The following MAGI2 variants were observed in gnomAD, a reference collection of about 807,000 sequenced individuals.
MAGI2 encodes membrane associated guanylate kinase, WW and PDZ domain containing 2, also known as membrane-associated guanylate kinase, WW and PDZ domain-containing protein 2.
Under a neutral mutation model 133.3 loss-of-function variants are expected in MAGI2, and 35 were observed. The ratio of observed to expected loss-of-function variants is 0.26; its 90% CI spans 0.20 to 0.35. MAGI2 has a LOEUF of 0.35. Among genes scored for constraint, MAGI2 ranks in the 10% least tolerant of loss-of-function variants. The pLI, the probability that MAGI2 is intolerant of heterozygous loss-of-function variation, is 1.00. For synonymous variants in MAGI2, 729 were observed against 710.6 expected (o/e 1.03, Z -0.41); for missense variants, 1,636 against 1,863.4 (o/e 0.88, Z 2.25).
intron 9 of MAGI2, among the ~76,000 whole-genome samples, chr7:78,335,484 T>C (rs2691544): frequency 0.45 from 69,149 of 152,116 alleles, 16,098 homozygotes; most frequent in Non-Finnish European, 0.48. Flanking sequence ...CAAGTATCTT[T>C]ATAGGATTTC....
At chr7:79,235,536 G>A (rs1444331502) in intron 1 of MAGI2, among the ~76,000 whole-genome samples, 1 of 152,212 alleles carries the variant, frequency 6.6e-6, no homozygotes, top group African/African-American at 2.4e-5. Context: ...CGCAATATTT[G>A]GGTGGGAGTG....
chr7:79,028,251 ATATATATATATATATATG>A (rs1398347406), intron 1 of MAGI2, among the ~76,000 whole-genome samples: 4 of 24,462 alleles, frequency 1.6e-4, no homozygotes, highest in East Asian at 1.4e-3. Context: ...ATATATATAT[ATATATATATATATATATG>A]TATGTATGTA....
chr7:78,055,314 A>G, intron 21 of MAGI2, among the ~76,000 whole-genome samples: 1 of 152,220 alleles, frequency 6.6e-6, no homozygotes, highest in East Asian at 1.9e-4. Context: ...CAATGTTTAC[A>G]TTTACATTAC....
chr7:79,307,397 G>A (rs571427548), intron 1 of MAGI2, among the ~76,000 whole-genome samples: 1 of 152,192 alleles, frequency 6.6e-6, no homozygotes, highest in East Asian at 1.9e-4. Context: ...TAGGAGTCTA[G>A]GTAAAGAATT....
intron 2 of MAGI2, among the ~76,000 whole-genome samples, chr7:78,769,991 G>A (rs1297656367): frequency 3.3e-5 from 5 of 152,100 alleles, no homozygotes; most frequent in Non-Finnish European, 7.3e-5. Flanking sequence ...CCTTCTCCAC[G>A]TTCTTGACTA....
At chr7:78,566,770 G>C (rs1800988317) in intron 3 of MAGI2, among the ~76,000 whole-genome samples, 1 of 152,040 alleles carries the variant, frequency 6.6e-6, no homozygotes, top group Non-Finnish European at 1.5e-5. Flanking sequence ...TACCATAGCT[G>C]ATTTTAAAAT....
chr7:78,720,853 G>A (rs1174865949), intron 2 of MAGI2, among the ~76,000 whole-genome samples: 1 of 152,034 alleles, frequency 6.6e-6, no homozygotes, highest in Non-Finnish European at 1.5e-5. Flanking sequence ...TCTAACCTGT[G>A]GTTCCACAAA....
At chr7:78,257,893 C>T (rs543496256) in intron 9 of MAGI2, among the ~76,000 whole-genome samples, 2 of 152,152 alleles carry the variant, frequency 1.3e-5, no homozygotes, top group South Asian at 4.1e-4. Flanking sequence ...GGATTTCATT[C>T]TGAGACATCC....
intron 9 of MAGI2, among the ~76,000 whole-genome samples, chr7:78,263,953 C>T (rs921992005): frequency 6.6e-6 from 1 of 152,082 alleles, no homozygotes; most frequent in African/African-American, 2.4e-5. Context: ...TCCTTCTCTC[C>T]TTGCTTTGTC....
chr7:78,377,471 CAGTG>C (rs1316636784), intron 6 of MAGI2, among the ~76,000 whole-genome samples: 1 of 151,610 alleles, frequency 6.6e-6, no homozygotes, highest in Non-Finnish European at 1.5e-5. Flanking sequence ...AGGGGGTTGA[CAGTG>C]AGCAGAATAA....
intron 1 of MAGI2, among the ~76,000 whole-genome samples, chr7:79,408,684 G>A (rs988568110): frequency 6.6e-6 from 1 of 152,060 alleles, no homozygotes; most frequent in African/African-American, 2.4e-5. Context: ...CCAGGAACAA[G>A]TTAAATGGAA....
At chr7:79,354,720 T>G (rs1841908087) in intron 1 of MAGI2, among the ~76,000 whole-genome samples, 1 of 152,162 alleles carries the variant, frequency 6.6e-6, no homozygotes, top group Non-Finnish European at 1.5e-5. Flanking sequence ...AAAAAGCCTT[T>G]TAAATGCTCA....
chr7:78,804,476 C>T (rs1265865709), intron 2 of MAGI2, among the ~76,000 whole-genome samples: 2 of 151,478 alleles, frequency 1.3e-5, no homozygotes, highest in African/African-American at 4.9e-5. Flanking sequence ...GGGCCAGGCA[C>T]GGTGGCTCAC....
At chr7:78,324,527 T>C (rs1788379854) in intron 9 of MAGI2, among the ~76,000 whole-genome samples, 1 of 152,194 alleles carries the variant, frequency 6.6e-6, no homozygotes, top group African/African-American at 2.4e-5. Flanking sequence ...ATACCTATCC[T>C]ACAGGGTTAT....
chr7:79,190,343 A>G (rs1261284680), intron 1 of MAGI2, among the ~76,000 whole-genome samples: 1 of 151,914 alleles, frequency 6.6e-6, no homozygotes, highest in Non-Finnish European at 1.5e-5. Context: ...CTATCTCATC[A>G]TCATATCAAC....
intron 2 of MAGI2, among the ~76,000 whole-genome samples, chr7:78,938,207 A>G (rs958392652): frequency 6.6e-6 from 1 of 152,084 alleles, no homozygotes; most frequent in Non-Finnish European, 1.5e-5. Context: ...AAAAACTGGG[A>G]AAAACTCTTA....
intron 1 of MAGI2, among the ~76,000 whole-genome samples, chr7:79,030,696 T>C (rs986622140): frequency 2.6e-5 from 4 of 152,140 alleles, no homozygotes; most frequent in Admixed American, 6.5e-5. Flanking sequence ...GGTATATCCT[T>C]CTCAAATTAT....
chr7:79,351,256 A>G (rs1477333523), intron 1 of MAGI2, among the ~76,000 whole-genome samples: 1 of 152,178 alleles, frequency 6.6e-6, no homozygotes, highest in African/African-American at 2.4e-5. Context: ...AGTAGGATTT[A>G]TAGTGAATCA....
intron 2 of MAGI2, among the ~76,000 whole-genome samples, chr7:78,688,087 C>G (rs989832334): frequency 1.3e-5 from 2 of 148,520 alleles, no homozygotes; most frequent in African/African-American, 4.9e-5. Flanking sequence ...ATGTGTTAAT[C>G]ACATTTAGCA....
Sources: allele counts gnomAD v4.1 joint callset (sites outside exome capture counted in the v4.1 genomes callset), GRCh38; gene constraint gnomAD v4.1.1; transcripts MANE v1.5; gene names NCBI Gene and HGNC (gene_info 2026-07-23, HGNC 2026-07-21).